The following NHSL1 variants were observed in gnomAD, a reference collection of about 807,000 sequenced individuals.
The protein encoded by NHSL1 is NHS-like protein 1.
Under a neutral mutation model 95.0 loss-of-function variants are expected in NHSL1, and 48 were observed. The observed-to-expected ratio is 0.51, with a 90% CI of 0.40 to 0.64. NHSL1 has a LOEUF of 0.64. NHSL1 is among the 30% of genes least tolerant of loss of function. NHSL1 has a pLI of 0.00. For missense variants in NHSL1, 1,971 were observed against 2,077.7 expected (o/e 0.95, Z 1.00); for synonymous variants, 783 against 833.9 (o/e 0.94, Z 1.05).
intron 1 of NHSL1, among the ~76,000 whole-genome samples, chr6:138,559,902 G>T (rs1783350005): frequency 6.6e-6 from 1 of 152,154 alleles, no homozygotes; most frequent in Non-Finnish European, 1.5e-5. Context: ...TGCCATGTGT[G>T]GCATGGGAAC....
chr6:138,546,427 C>CAAAAAA (rs1177720465), upstream of NHSL1, among the ~76,000 whole-genome samples: 27 of 50,950 alleles, frequency 5.3e-4, no homozygotes, highest in African/African-American at 6.9e-4. Flanking sequence ...CCCATCTCTA[C>CAAAAAA]AAAAAAAAAA....
intron 1 of NHSL1, among the ~76,000 whole-genome samples, chr6:138,590,803 C>A (rs967757769): frequency 6.6e-6 from 1 of 152,174 alleles, no homozygotes; most frequent in African/African-American, 2.4e-5. Flanking sequence ...ACCTGTCCAT[C>A]AGTGATAATC....
chr6:138,503,201 A>T (rs543771675), upstream of NHSL1, among the ~76,000 whole-genome samples: 1 of 152,052 alleles, frequency 6.6e-6, no homozygotes, highest in East Asian at 1.9e-4. Context: ...TATACTTCCA[A>T]CCACCCAGCT....
chr6:138,607,800 G>A (rs1784454704), intron 1 of NHSL1, among the ~76,000 whole-genome samples: 1 of 152,190 alleles, frequency 6.6e-6, no homozygotes, highest in Non-Finnish European at 1.5e-5. Flanking sequence ...ATATTCAAGA[G>A]ACCAAATGGG....
chr6:138,629,321 G>T lies in NHSL1; in HGVS notation c.96+63155C>A, dbSNP rs1017740399. 1.1e-4 allele frequency among the ~76,000 whole-genome samples: 16 copies of T among 152,052 alleles called. 2 individuals carry two copies. In the South Asian group the frequency reaches 2.1e-3, roughly 20 times the overall value. ...TTCAATGACGGTCATATCCTATTATGTCCTGAAAGCACCAAATTTATTTGT... is the reference window on the plus strand; with the variant it reads ...TTCAATGACGGTCATATCCTATTATTTCCTGAAAGCACCAAATTTATTTGT... On this transcript the variant is annotated intron_variant, in intron 1 of 3. Transcript: ENST00000491526.
intron 1 of NHSL1, among the ~76,000 whole-genome samples, chr6:138,596,779 A>T (rs967554084): frequency 2.0e-5 from 3 of 152,012 alleles, no homozygotes; most frequent in African/African-American, 4.8e-5. Flanking sequence ...GTGGGGGGGA[A>T]GTTCTGAAAG....
chr6:138,473,799 T>C (rs1778901629), intron 2 of NHSL1, among the ~76,000 whole-genome samples: 1 of 151,932 alleles, frequency 6.6e-6, no homozygotes, highest in Admixed American at 6.6e-5. Context: ...GGAATATTAA[T>C]CCAGGGCCTT....
chr6:138,640,553 T>A lies in NHSL1; in HGVS notation c.96+51923A>T, dbSNP rs138643689. 2.3e-3 allele frequency among the ~76,000 whole-genome samples: 343 copies of A among 152,314 alleles called. 1 individual carries two copies. Among genetic ancestry groups the A allele is most frequent in the African/African-American group, 7.7e-3 (318 of 41,568 alleles). ...CTTTATGATGATCCACTTCCACTAA[T>A]GAATAGTAAATATATTTTCTCTTCT... On this transcript the variant is annotated intron_variant, in intron 1 of 3. Transcript: ENST00000491526.
chr6:138,487,282 T>C (rs1020717526), intron 2 of NHSL1, among the ~76,000 whole-genome samples: 6 of 152,194 alleles, frequency 3.9e-5, no homozygotes, highest in African/African-American at 1.4e-4. Context: ...AATTTTTAAC[T>C]AGGGCAGGCT....
upstream of NHSL1, among the ~76,000 whole-genome samples, chr6:138,573,125 G>A (rs946835828): frequency 2.0e-5 from 3 of 152,172 alleles, no homozygotes; most frequent in African/African-American, 7.2e-5. Context: ...AACCTTGAAT[G>A]ATCATCCTAT....
chr6:138,564,348 A>C, intron 1 of NHSL1, among the ~76,000 whole-genome samples: 1 of 151,776 alleles, frequency 6.6e-6, no homozygotes, highest in East Asian at 1.9e-4. Flanking sequence ...TTGATCCATC[A>C]CTGTTTTTAG....
intron 1 of NHSL1, among the ~76,000 whole-genome samples, chr6:138,659,407 T>C (rs1375133587): frequency 1.3e-5 from 2 of 152,092 alleles, no homozygotes; most frequent in Admixed American, 6.6e-5. Flanking sequence ...TGGCTACTAC[T>C]GAACATATTT....
In NHSL1 at chr6:138,432,308, G is replaced by C. The variant is rs978831895; in HGVS notation, c.2037C>G (p.Asp679Glu). 14 of 1,551,546 alleles carry C rather than the reference G, an allele frequency of 9.0e-6. No individual in the cohort carries two copies. In the African/African-American group the frequency reaches 1.8e-4, roughly 20 times the overall value. The change falls in exon 6 of 8, where the codon GAC becomes GAG. Residue 679 changes from aspartate (D) to glutamate (E), a missense_variant. Asp to Glu is a conservative substitution (Grantham distance 45). This residue lies in a region of NHSL1 where 1,602 missense variants were observed against 1,654.5 expected (regional missense o/e 0.97). Transcript: ENST00000343505. The surrounding 1 kb of genome is among the most constrained non-coding windows in gnomAD (Gnocchi z 4.4). ...TCTTCTTGGGAATCCTGCGGAGGGA[G>C]TCTGTCCGGGAGGGTGGCAGGGGAG... Reference protein sequence around the residue: ...KKPPLPPSRTDSLRRIPKKSS... With the variant: ...KKPPLPPSRTESLRRIPKKSS...
rs1015454111 is a variant in NHSL1, at chr6:138,431,612, A to T, written c.2733T>A (p.Thr911=). Residue 911 remains threonine (T), a synonymous_variant, in exon 6 of 8, where the codon ACT becomes ACA. Transcript: ENST00000343505. This position sits in a 1 kb window ranked among gnomAD's most constrained non-coding sequence, Gnocchi z 4.0. The part of the protein sequence containing the change: ...SSTSLSSSTS[T]EGSGTMKKLD... ...GCTTCTTCATAGTGCCACTTCCTTC[A>T]GTAGAAGTACTAGAAGAAAGAGAAG... 5 of 1,551,540 alleles carry T rather than the reference A, an allele frequency of 3.2e-6. No individual in the cohort carries two copies. Among genetic ancestry groups the T allele is most frequent in the Non-Finnish European group, 4.4e-6 (5 of 1,146,804 alleles).
At position 138,590,625 on chromosome 6, in the gene NHSL1, G is replaced by C. The variant is rs565107134; in HGVS notation, c.97-94254C>G. On this transcript the variant is annotated intron_variant, in intron 1 of 3. Coordinates refer to the NHSL1 transcript ENST00000491526. ...CATCCCCAACAACAGAGTCCAACCT[G>C]TCTGTATGGACTCCCCAGTTCTCCA... is the stretch of plus-strand genomic sequence containing the variant. 2.0e-5 allele frequency among the ~76,000 whole-genome samples: 3 copies of C among 152,218 alleles called. No homozygotes were observed. The South Asian group carries it at 6.2e-4, about 32-fold the overall frequency.
At chr6:138,453,882 T>C (rs1257119668) in intron 3 of NHSL1, among the ~76,000 whole-genome samples, 1 of 151,842 alleles carries the variant, frequency 6.6e-6, no homozygotes, top group Non-Finnish European at 1.5e-5. Context: ...CACAGTGAAT[T>C]AAAATATTTT....
At chr6:138,573,416 T>C (rs1438255028), upstream of NHSL1, among the ~76,000 whole-genome samples, 1 of 152,228 alleles carries the variant, frequency 6.6e-6, no homozygotes, top group Non-Finnish European at 1.5e-5. Flanking sequence ...TTTGCTTTAC[T>C]CAGCATCGAT....
chr6:138,498,673 C>T, intron 1 of NHSL1, among the ~76,000 whole-genome samples: 1 of 152,176 alleles, frequency 6.6e-6, no homozygotes, highest in Non-Finnish European at 1.5e-5. Flanking sequence ...AATAAAGCCA[C>T]ATCACAAAAG....
chr6:138,498,868 T>C (rs1780510962), intron 1 of NHSL1, among the ~76,000 whole-genome samples: 1 of 152,198 alleles, frequency 6.6e-6, no homozygotes, highest in Non-Finnish European at 1.5e-5. Flanking sequence ...ATACACTTGA[T>C]ATCAAGGGAA....
Sources: allele counts gnomAD v4.1 joint callset (sites outside exome capture counted in the v4.1 genomes callset), GRCh38; gene constraint gnomAD v4.1.1; regional missense constraint gnomAD v4.1.1; non-coding constraint Gnocchi (gnomAD v3.1); transcripts MANE v1.5; gene names NCBI Gene and HGNC (gene_info 2026-07-23, HGNC 2026-07-21).